Variants in PRKCH observed in about 807,000 individuals in gnomAD.
PRKCH encodes the protein protein kinase C eta.
Under a neutral mutation model 82.5 loss-of-function variants are expected in PRKCH, and 28 were observed. That is an observed-to-expected ratio of 0.34 (90% CI 0.25 to 0.47). PRKCH has a LOEUF of 0.47. PRKCH is among the 20% of genes least tolerant of loss of function. PRKCH has a pLI of 1.00. For synonymous variants in PRKCH, 322 were observed against 327.4 expected (o/e 0.98, Z 0.18); for missense variants, 705 against 881.8 (o/e 0.80, Z 2.54).
At chr14:61,405,004 C>A (rs559045091) in intron 2 of PRKCH, among the ~76,000 whole-genome samples, 1 of 152,314 alleles carries the variant, frequency 6.6e-6, no homozygotes, top group African/African-American at 2.4e-5. Context: ...TGCTGGCTTA[C>A]CATTTGGCTC....
intron 9 of PRKCH, among the ~76,000 whole-genome samples, chr14:61,475,887 A>C (rs1885707933): frequency 6.6e-6 from 1 of 152,216 alleles, no homozygotes; most frequent in African/African-American, 2.4e-5. Flanking sequence ...AAAGCTTGAG[A>C]CTTCTATATC....
At chr14:61,265,019 T>G (rs910094626) in intron 1 of PRKCH, among the ~76,000 whole-genome samples, 17 of 152,206 alleles carry the variant, frequency 1.1e-4, no homozygotes, top group African/African-American at 3.9e-4. Flanking sequence ...TGTTGAGGAC[T>G]AGCATAAGCA....
At chr14:61,246,230 A>G (rs2044881001) in intron 1 of PRKCH, among the ~76,000 whole-genome samples, 1 of 146,166 alleles carries the variant, frequency 6.8e-6, no homozygotes, top group South Asian at 2.3e-4. Context: ...ACATGGCAAA[A>G]CCCCATCTCT....
Position 61,251,871 on chromosome 14 carries a change from G to C in PRKCH, c.-19+64203G>C, listed in dbSNP as rs4899036. On this transcript the variant is annotated intron_variant, in intron 1 of 3. Coordinates refer to the PRKCH transcript ENST00000555185. The stretch of plus-strand genomic sequence containing the variant: ...TTTATTTGTTTTGAGATGGAGTTTC[G>C]CTCTGTCGCCCAGGCTGGAGTACAG... Among the ~76,000 whole-genome samples the C allele has an allele frequency of 7.9e-5, 12 of 151,366 alleles. No homozygotes were observed. The South Asian group carries it at 2.5e-3, about 31-fold the overall frequency.
chr14:61,326,565 T>C (rs1000657890), intron 1 of PRKCH, among the ~76,000 whole-genome samples: 1 of 152,232 alleles, frequency 6.6e-6, no homozygotes, highest in African/African-American at 2.4e-5. Flanking sequence ...ACTTTAAGTA[T>C]GTGCATGTTA....
chr14:61,402,236 G>A (rs1881664511), intron 2 of PRKCH, among the ~76,000 whole-genome samples: 5 of 152,128 alleles, frequency 3.3e-5, no homozygotes, highest in Non-Finnish European at 7.3e-5. Flanking sequence ...TCATTTATGG[G>A]TCAAGGATCT....
At chr14:61,359,618 T>C (rs1317150667) in intron 1 of PRKCH, among the ~76,000 whole-genome samples, 2 of 152,158 alleles carry the variant, frequency 1.3e-5, no homozygotes, top group African/African-American at 4.8e-5. Context: ...AGAGAACTTC[T>C]TTGAGATGTA....
At chr14:61,412,261 C>T (rs1029579000) in intron 2 of PRKCH, among the ~76,000 whole-genome samples, 1 of 152,052 alleles carries the variant, frequency 6.6e-6, no homozygotes, top group African/African-American at 2.4e-5. Context: ...CAGATAAGGA[C>T]ATTAAAATGG....
chr14:61,361,546 A>G (rs1321015491), intron 1 of PRKCH, among the ~76,000 whole-genome samples: 1 of 152,220 alleles, frequency 6.6e-6, no homozygotes, highest in African/African-American at 2.4e-5. Flanking sequence ...GTTTAGTTAC[A>G]ATAAGGCTCA....
At chr14:61,446,972 A>G (rs951457466) in intron 4 of PRKCH, among the ~76,000 whole-genome samples, 1 of 152,230 alleles carries the variant, frequency 6.6e-6, no homozygotes, top group African/African-American at 2.4e-5. Flanking sequence ...CCTGCTATGT[A>G]AAGAGCAGGG....
intron 9 of PRKCH, chr14:61,476,247 T>A (rs943355844): frequency 6.6e-6 from 1 of 152,210 alleles, no homozygotes; most frequent in African/African-American, 2.4e-5. Flanking sequence ...TCTTGAAGCA[T>A]TTATTAACCC....
chr14:61,470,248 A>AT (rs1239704938), intron 9 of PRKCH, among the ~76,000 whole-genome samples: 1 of 151,860 alleles, frequency 6.6e-6, no homozygotes, highest in Non-Finnish European at 1.5e-5. Flanking sequence ...GGTCACTATT[A>AT]TAGGGGTTGG....
intron 1 of PRKCH, among the ~76,000 whole-genome samples, chr14:61,360,497 T>G (rs2046210767): frequency 1.3e-5 from 2 of 151,248 alleles, no homozygotes; most frequent in Admixed American, 6.6e-5. Flanking sequence ...AGAGTGAGAC[T>G]CCATCTCAAA....
Position 61,221,551 on chromosome 14 carries a change from C to T in PRKCH, c.-19+33883C>T, listed in dbSNP as rs75521063. Among the ~76,000 whole-genome samples, 393 of 152,170 alleles carry T rather than the reference C, an allele frequency of 2.6e-3. 6 individuals are homozygous for T. Among genetic ancestry groups the T allele is most frequent in the East Asian group, 0.02 (104 of 5,158 alleles). ...CTCTTTGTCGTGACAGCGATGGGGG[C>T]ATATTAAAGTGATGCCTGCCCGAGA... On this transcript the variant is annotated intron_variant, in intron 1 of 3. Transcript: ENST00000555185.
chr14:61,293,978 G>A (rs2045385297), intron 1 of PRKCH, among the ~76,000 whole-genome samples: 1 of 152,082 alleles, frequency 6.6e-6, no homozygotes, highest in Non-Finnish European at 1.5e-5. Flanking sequence ...CCACTAACGT[G>A]GCTACACTTA....
chr14:61,210,897 A>G (rs910355973), intron 1 of PRKCH, among the ~76,000 whole-genome samples: 12 of 152,146 alleles, frequency 7.9e-5, no homozygotes, highest in African/African-American at 2.2e-4. Context: ...GGCATTGCAT[A>G]TAGGGATTAG....
chr14:61,429,822 C>T (rs1001903768), intron 2 of PRKCH, among the ~76,000 whole-genome samples: 5 of 152,050 alleles, frequency 3.3e-5, no homozygotes, highest in South Asian at 2.1e-4. Flanking sequence ...CAGCTAGAGA[C>T]GGTATAAAAA....
intron 2 of PRKCH, among the ~76,000 whole-genome samples, chr14:61,397,753 A>G (rs2046807736): frequency 6.6e-6 from 1 of 152,212 alleles, no homozygotes; most frequent in African/African-American, 2.4e-5. Flanking sequence ...ACAGAACACA[A>G]AAGGCTTTGA....
chr14:61,225,870 C>T (rs1388095547), intron 1 of PRKCH, among the ~76,000 whole-genome samples: 1 of 152,038 alleles, frequency 6.6e-6, no homozygotes, highest in Non-Finnish European at 1.5e-5. Flanking sequence ...TCCCATATAG[C>T]TGGAACTACA....
Sources: allele counts gnomAD v4.1 joint callset (sites outside exome capture counted in the v4.1 genomes callset), GRCh38; gene constraint gnomAD v4.1.1; transcripts MANE v1.5; gene names NCBI Gene and HGNC (gene_info 2026-07-23, HGNC 2026-07-21).